Variants in TMEM132C observed in about 807,000 individuals in gnomAD.
TMEM132C encodes protein phosphatase 1, regulatory subunit 152.
A neutral mutation model predicts 61.4 loss-of-function variants in TMEM132C; 29 were observed. That is an observed-to-expected ratio of 0.47 (90% confidence interval 0.35 to 0.64). The LOEUF (loss-of-function observed/expected upper bound fraction) is 0.64. Among genes scored for constraint, TMEM132C ranks in the 30% least tolerant of loss-of-function variants. TMEM132C has a pLI of 0.00. For missense variants in TMEM132C, 1,408 were observed against 1,476.9 expected (o/e 0.95, Z 0.76); for synonymous variants, 656 against 633.1 (o/e 1.04, Z -0.54).
intron 2 of TMEM132C, among the ~76,000 whole-genome samples, chr12:128,527,852 C>A (rs1873144462): frequency 6.6e-6 from 1 of 152,096 alleles, no homozygotes; most frequent in Admixed American, 6.5e-5. Flanking sequence ...AGGGATCAAC[C>A]ACTCACTCTT....
At chr12:128,624,129 A>G (rs1344052958) in intron 4 of TMEM132C, among the ~76,000 whole-genome samples, 3 of 152,138 alleles carry the variant, frequency 2.0e-5, no homozygotes, top group Admixed American at 6.5e-5. Context: ...AGAGAATAGT[A>G]TAGAAATTGG....
At chr12:128,573,043 G>T (rs1324554396) in intron 3 of TMEM132C, among the ~76,000 whole-genome samples, 3 of 152,202 alleles carry the variant, frequency 2.0e-5, no homozygotes, top group Non-Finnish European at 4.4e-5. Flanking sequence ...AGACAGTGTG[G>T]CGATTCCTCA....
intron 3 of TMEM132C, among the ~76,000 whole-genome samples, chr12:128,545,456 C>G (rs1447548134): frequency 1.3e-5 from 2 of 152,176 alleles, no homozygotes; most frequent in Admixed American, 1.3e-4. Context: ...GTAGAACAGT[C>G]TATTTCCTTT....
intron 1 of TMEM132C, among the ~76,000 whole-genome samples, chr12:128,324,787 C>T (rs1274339939): frequency 6.6e-6 from 1 of 152,062 alleles, no homozygotes. Context: ...ATGATTGTAC[C>T]ACTGCAGCCC....
chr12:128,498,169 C>T (rs1872033615), intron 2 of TMEM132C, among the ~76,000 whole-genome samples: 1 of 152,098 alleles, frequency 6.6e-6, no homozygotes. Context: ...AAAGGAGACT[C>T]TTCAAATGCA....
intron 3 of TMEM132C, among the ~76,000 whole-genome samples, chr12:128,607,144 C>G (rs768215185): frequency 1.3e-5 from 2 of 152,064 alleles, no homozygotes; most frequent in Non-Finnish European, 2.9e-5. Context: ...AGAAAGCCTC[C>G]GGATGTGTGA....
intron 1 of TMEM132C, among the ~76,000 whole-genome samples, chr12:128,282,423 C>G (rs1444303374): frequency 6.6e-6 from 1 of 152,204 alleles, no homozygotes; most frequent in Non-Finnish European, 1.5e-5. Flanking sequence ...AAGCAAGTAC[C>G]TTTTTCACAT....
chr12:128,314,146 T>C (rs1233539504), intron 1 of TMEM132C, among the ~76,000 whole-genome samples: 2 of 152,236 alleles, frequency 1.3e-5, no homozygotes, highest in Non-Finnish European at 2.9e-5. Context: ...AAAGGACTTT[T>C]ATCTTACTCA....
intron 1 of TMEM132C, among the ~76,000 whole-genome samples, chr12:128,407,898 T>A (rs1424167422): frequency 6.6e-6 from 1 of 152,200 alleles, no homozygotes; most frequent in Admixed American, 6.5e-5. Context: ...TTAATTGCTC[T>A]TCTATTGTTA....
At chr12:128,682,950 A>G (rs907427909) in intron 5 of TMEM132C, among the ~76,000 whole-genome samples, 6 of 152,054 alleles carry the variant, frequency 3.9e-5, no homozygotes, top group Non-Finnish European at 7.4e-5. Flanking sequence ...GCATCACCGC[A>G]TTCTCTGCCT....
At chr12:128,598,076 T>C (rs1212782957) in intron 3 of TMEM132C, among the ~76,000 whole-genome samples, 1 of 152,224 alleles carries the variant, frequency 6.6e-6, no homozygotes, top group African/African-American at 2.4e-5. Context: ...GTTTCTTTTT[T>C]AAAGATAAAA....
chr12:128,652,162 A>C (rs570313867), intron 4 of TMEM132C, among the ~76,000 whole-genome samples: 1 of 152,140 alleles, frequency 6.6e-6, no homozygotes, highest in Admixed American at 6.5e-5. Context: ...TGCTGTGTGC[A>C]GAGTAAACTC....
intron 3 of TMEM132C, among the ~76,000 whole-genome samples, chr12:128,579,093 A>C (rs1361598726): frequency 6.6e-6 from 1 of 152,214 alleles, no homozygotes; most frequent in Non-Finnish European, 1.5e-5. Context: ...GAATGCTGCC[A>C]AGGAAAACGA....
chr12:128,504,748 C>T (rs1872300739), intron 2 of TMEM132C, among the ~76,000 whole-genome samples: 1 of 130,542 alleles, frequency 7.7e-6, no homozygotes, highest in Admixed American at 1.0e-4. Context: ...TCATTACCTC[C>T]TTATAGGCCC....
intron 5 of TMEM132C, among the ~76,000 whole-genome samples, chr12:128,690,312 T>G (rs1954710274): frequency 6.6e-6 from 1 of 152,158 alleles, no homozygotes; most frequent in Non-Finnish European, 1.5e-5. Context: ...AAGACTCCTG[T>G]GGGGTTTTGG....
chr12:128,576,960 AGT>A (rs1875128875), intron 3 of TMEM132C, among the ~76,000 whole-genome samples: 2 of 112,752 alleles, frequency 1.8e-5, no homozygotes, highest in Non-Finnish European at 4.4e-5. Flanking sequence ...ACCCTTTTAA[AGT>A]GTACCATCCA....
At chr12:128,427,340 T>C (rs1394473832) in intron 2 of TMEM132C, among the ~76,000 whole-genome samples, 2 of 151,220 alleles carry the variant, frequency 1.3e-5, no homozygotes, top group Non-Finnish European at 2.9e-5. Context: ...AGAAGTGGGG[T>C]GTGTTTTTTT....
At chr12:128,429,609 G>A (rs368666280) in intron 2 of TMEM132C, among the ~76,000 whole-genome samples, 14 of 152,250 alleles carry the variant, frequency 9.2e-5, no homozygotes, top group African/African-American at 3.4e-4. Flanking sequence ...GGAAATCAAG[G>A]CCAATTTTCA....
At chr12:128,541,021 T>TGTCTC (rs1162615792) in intron 2 of TMEM132C, among the ~76,000 whole-genome samples, 1 of 71,328 alleles carries the variant, frequency 1.4e-5, no homozygotes. Context: ...CTTTCTCTCT[T>TGTCTC]TCTCTGTCTC....
Sources: allele counts gnomAD v4.1 joint callset (sites outside exome capture counted in the v4.1 genomes callset), GRCh38; gene constraint gnomAD v4.1.1; transcripts MANE v1.5; gene names NCBI Gene and HGNC (gene_info 2026-07-23, HGNC 2026-07-21).